CYB5D1: variants seen among roughly 807,000 people sequenced by gnomAD.
The protein encoded by CYB5D1 is cytochrome b5 domain-containing protein 1.
CYB5D1 carries 30 observed loss-of-function variants against 24.3 expected under a neutral mutation model. That is an observed-to-expected ratio of 1.23 (90% CI 0.92 to 1.67). CYB5D1 has a LOEUF of 1.67. Among genes scored for constraint, CYB5D1 ranks in the 40% most tolerant of loss-of-function variants. The pLI, the probability that CYB5D1 is intolerant of heterozygous loss-of-function variation, is 0.00. For missense variants in CYB5D1, 265 were observed against 296.7 expected, an observed-to-expected ratio of 0.89 and a Z score of 0.79; for synonymous variants, 128 against 123.2, an observed-to-expected ratio of 1.04 and a Z score of -0.26.
In CYB5D1 at chr17:7,858,911, A is replaced by G. The variant is rs1042831230; in HGVS notation, c.456+87A>G. ...CGATCTTCAGGGCAACATTTTTTCC[A>G]TAACCGGTGGGAGTGTATTTTCTGT... On this transcript the variant is annotated intron_variant, in intron 3 of 3. Coordinates refer to ENST00000332439, the MANE Select transcript of CYB5D1 (RefSeq NM_144607.6). 4.1e-5 allele frequency: 51 copies of G among 1,240,080 alleles called. No individual in the cohort carries two copies. In the South Asian group the frequency reaches 8.1e-4, roughly 20 times the overall value. The allele number at this position is 1,240,080 out of a possible 1,614,324, so 76.8% of individuals were successfully genotyped here.
chr17:7,858,699 G>A lies in CYB5D1; in HGVS notation c.331G>A (p.Asp111Asn), dbSNP rs751049726. 1.2e-5 allele frequency: 19 copies of A among 1,611,300 alleles called. No individual in the cohort carries two copies. The highest frequency in any genetic ancestry group is 2.2e-5 in the East Asian group (1 of 44,864). Residue 111 changes from aspartate (D) to asparagine (N), a missense_variant, in exon 3 of 4, where the codon GAC becomes AAC. Asp to Asn is a conservative substitution (Grantham distance 23). Coordinates refer to ENST00000332439, the MANE Select transcript of CYB5D1 (RefSeq NM_144607.6). Reference protein sequence around the residue: ...VHVPPQLPCSDWANDFGKPWW... With the variant: ...VHVPPQLPCSNWANDFGKPWW... ...CGTTCCGCCTCAGCTGCCCTGTTCG[G>A]ACTGGGCCAACGATTTTGGGAAGCC...
intron 3 of CYB5D1, 66 bp downstream of exon 3, chr17:7,858,890 C>A (rs2078859419): frequency 7.2e-7 from 1 of 1,385,578 alleles, no homozygotes. Context: ...CCAGGCCGAT[C>A]TTCAGGGCAA....
Position 7,859,280 on chromosome 17 carries a change from A to G in CYB5D1, c.457-102A>G. 4 of 883,070 alleles carry G rather than the reference A, an allele frequency of 4.5e-6. No individual in the cohort carries two copies. In the South Asian group the frequency reaches 6.2e-5, roughly 14 times the overall value. The allele number at this position is 883,070 out of a possible 1,614,324, so 54.7% of individuals were successfully genotyped here. ...CTTTTTTTTCCCGGGGCCGTAGAGT[A>G]CCTGAAGCTGCTATCTGCCAAGGGA... On this transcript the variant is annotated intron_variant, in intron 3 of 3. Transcript: ENST00000332439.
In CYB5D1 at chr17:7,859,539, A is replaced by G. The variant is rs200419944; in HGVS notation, c.614A>G (p.Tyr205Cys). The part of the protein sequence containing the change: ...GIRDEEEEFD[Y>C]LSMDGTLHTP... Reference sequence around the variant, plus strand: ...CGGGATGAGGAGGAAGAATTTGACTATCTCAGTATGGACGGTACACTTCAC... The same window carrying G: ...CGGGATGAGGAGGAAGAATTTGACTGTCTCAGTATGGACGGTACACTTCAC... Residue 205 changes from tyrosine (Y) to cysteine (C), a missense_variant, in exon 4 of 4, where the codon TAT becomes TGT. Transcript: ENST00000332439. 2.7e-5 allele frequency: 44 copies of G among 1,614,082 alleles called. No individual in the cohort carries two copies. Among genetic ancestry groups the G allele is most frequent in the East Asian group, 2.4e-4 (11 of 44,902 alleles).
In CYB5D1 at chr17:7,861,743, C is replaced by A. The variant is rs2078884645; in HGVS notation, c.*2131C>A. The A allele has an allele frequency of 6.6e-6, 1 of 152,268 alleles. No homozygotes were observed. Among genetic ancestry groups the A allele is most frequent in the Non-Finnish European group, 1.5e-5 (1 of 68,050 alleles). The allele number at this position is 152,268 out of a possible 1,614,324, so 9.4% of individuals were successfully genotyped here. On this transcript the variant is annotated 3_prime_UTR_variant, in exon 4 of 4. Transcript: ENST00000332439. Reference sequence around the variant, plus strand: ...CTAAACTGCTACGGAAACTTCCTAACCTGTTCTCCCATTTCCACTTCTGAC... The same window carrying A: ...CTAAACTGCTACGGAAACTTCCTAAACTGTTCTCCCATTTCCACTTCTGAC...
chr17:7,861,189 G>C lies in CYB5D1; in HGVS notation c.*1577G>C, dbSNP rs1378753568. ...GCAGCAGCAAGCAAAAAACAAATCA[G>C]GAAGAGTTTAGTGTGTCTTCTGGCA... On this transcript the variant is annotated 3_prime_UTR_variant, in exon 4 of 4. Coordinates refer to ENST00000332439, the MANE Select transcript of CYB5D1 (RefSeq NM_144607.6). The C allele has an allele frequency of 6.6e-6, 1 of 152,146 alleles. No individual in the cohort carries two copies. The highest frequency in any genetic ancestry group is 1.5e-5 in the Non-Finnish European group (1 of 68,046). The allele number at this position is 152,146 out of a possible 1,614,324, so 9.4% of individuals were successfully genotyped here.
chr17:7,859,855 G>C lies in CYB5D1; in HGVS notation c.*243G>C, dbSNP rs1346013667. On this transcript the variant is annotated 3_prime_UTR_variant, in exon 4 of 4. Coordinates refer to ENST00000332439, the MANE Select transcript of CYB5D1 (RefSeq NM_144607.6). ...CAAGAAGATCAAGTACCTTGGTTTA[G>C]GGAGATGTAGAAGAGGATAGTCAGA... is the stretch of plus-strand genomic sequence containing the variant. The C allele has an allele frequency of 7.8e-6, 4 of 513,468 alleles. No homozygotes were observed. Among genetic ancestry groups the C allele is most frequent in the Non-Finnish European group, 1.4e-5 (4 of 284,482 alleles). The allele number at this position is 513,468 out of a possible 1,614,324, so 31.8% of individuals were successfully genotyped here. A position where few individuals can be genotyped will look rare whatever the true frequency, so the allele number is the denominator to read the frequency against.
At position 7,861,229 on chromosome 17, in the gene CYB5D1, C is replaced by A. The variant is rs936459607; in HGVS notation, c.*1617C>A. 2 of 152,004 alleles carry A rather than the reference C, an allele frequency of 1.3e-5. No homozygotes were observed. Among genetic ancestry groups the A allele is most frequent in the South Asian group, 4.1e-4 (2 of 4,822 alleles). 9.4% of individuals were successfully genotyped at this position (152,004 alleles called of 1,614,324 possible). On this transcript the variant is annotated 3_prime_UTR_variant, in exon 4 of 4. Transcript: ENST00000332439. ...GTCTTCTGGCAGGGGACACCAGGGCCCAGCACAGGAGAAGGTGGCCCCTGT... is the reference window on the plus strand; with the variant it reads ...GTCTTCTGGCAGGGGACACCAGGGCACAGCACAGGAGAAGGTGGCCCCTGT...
Position 7,859,602 on chromosome 17 carries a change from C to A in CYB5D1, c.677C>A (p.Thr226Lys). Reference sequence around the variant, plus strand: ...CTTCTGTACTTCAATGATGATCTCACGGAGTTGTAGGCAAGGAGATGTACA... The same window carrying A: ...CTTCTGTACTTCAATGATGATCTCAAGGAGTTGTAGGCAAGGAGATGTACA... ...AILLYFNDDL[T>K]EL is the part of the protein sequence containing the mutation. Residue 226 changes from threonine to lysine, a missense_variant, in exon 4 of 4, where the codon ACG becomes AAG. Physicochemically the swap from Thr to Lys is moderately conservative, Grantham distance 78. Coordinates refer to ENST00000332439, the MANE Select transcript of CYB5D1 (RefSeq NM_144607.6). 1 of 1,613,946 alleles carries A rather than the reference C, an allele frequency of 6.2e-7. No homozygotes were observed. The highest frequency in any genetic ancestry group is 8.5e-7 in the Non-Finnish European group (1 of 1,179,914).
intron 3 of CYB5D1, chr17:7,859,083 G>A (rs2151386071): frequency 1.8e-6 from 1 of 568,288 alleles, no homozygotes; most frequent in South Asian, 2.3e-5. Context: ...GTGGTCCTTC[G>A]AAGCTCTTAC....
Position 7,858,042 on chromosome 17 carries a change from C to T in CYB5D1, c.-93C>T. The T allele has an allele frequency of 6.4e-7, 1 of 1,556,690 alleles. No homozygotes were observed. Among genetic ancestry groups the T allele is most frequent in the Non-Finnish European group, 8.7e-7 (1 of 1,154,268 alleles). ...CAGCGGATAAACGCTCTCCCCTCGG[C>T]TCCCGGACGCGACGGAGGTCGTAGT... is the stretch of plus-strand genomic sequence containing the variant. On this transcript the variant is annotated 5_prime_UTR_variant, in exon 1 of 4. Transcript: ENST00000332439.
rs376029819 is a variant in CYB5D1 at position 7,859,456 on chromosome 17, G to A, written c.531G>A (p.Thr177=). Residue 177 remains threonine, a synonymous_variant, in exon 4 of 4, where the codon ACG becomes ACA. Transcript: ENST00000332439. ...LPYNSHAASY[T]WKYEGKNLNM... is the part of the protein sequence containing the mutation. Reference sequence around the variant, plus strand: ...ATAACTCACATGCTGCCAGCTACACGTGGAAATATGAAGGGAAGAACCTGA... The same window carrying A: ...ATAACTCACATGCTGCCAGCTACACATGGAAATATGAAGGGAAGAACCTGA... 8.7e-6 allele frequency: 14 copies of A among 1,614,136 alleles called. No individual in the cohort carries two copies. The East Asian group carries it at 1.6e-4, about 18-fold the overall frequency.
Position 7,859,771 on chromosome 17 carries a change from C to T in CYB5D1, c.*159C>T. On this transcript the variant is annotated 3_prime_UTR_variant, in exon 4 of 4. Coordinates refer to ENST00000332439, the MANE Select transcript of CYB5D1 (RefSeq NM_144607.6). The stretch of plus-strand genomic sequence containing the variant: ...CCTTCTGAAGTGTAAAGGCCCTATT[C>T]CCTGCCTTCATTACAGTTTGCTCTG... 1.6e-6 allele frequency: 1 copy of T among 625,344 alleles called. No individual in the cohort carries two copies. The highest frequency in any genetic ancestry group is 1.8e-5 in the African/African-American group (1 of 54,594). 38.7% of individuals were successfully genotyped at this position (625,344 alleles called of 1,614,324 possible). A position where few individuals can be genotyped will look rare whatever the true frequency, so the allele number is the denominator to read the frequency against.
At position 7,858,081 on chromosome 17, in the gene CYB5D1, T is replaced by C. The variant is rs993734292; in HGVS notation, c.-54T>C. ...GGAGGTCGTAGTAGTAGTGAGTACG[T>C]GCTGAGGAGCAAAGGAGTAACCAAG... On this transcript the variant is annotated 5_prime_UTR_variant, in exon 1 of 4. Transcript: ENST00000332439. The C allele has an allele frequency of 1.2e-5, 20 of 1,606,006 alleles. No individual in the cohort carries two copies. In the African/African-American group the frequency reaches 2.5e-4, roughly 20 times the overall value.
At position 7,858,716 on chromosome 17, in the gene CYB5D1, T is replaced by G; in HGVS notation, c.348T>G (p.Phe116Leu). 2 of 1,609,714 alleles carry G rather than the reference T, an allele frequency of 1.2e-6. No homozygotes were observed. The highest frequency in any genetic ancestry group is 1.7e-6 in the Non-Finnish European group (2 of 1,177,672). The part of the protein sequence containing the change: ...QLPCSDWAND[F>L]GKPWWQGSYY... Reference sequence around the variant, plus strand: ...CCTGTTCGGACTGGGCCAACGATTTTGGGAAGCCCTGGTGGCAGGGGTCGT... The same window carrying G: ...CCTGTTCGGACTGGGCCAACGATTTGGGGAAGCCCTGGTGGCAGGGGTCGT... The change falls in exon 3 of 4, where the codon TTT (phenylalanine) becomes TTG (leucine). Residue 116 changes from phenylalanine (F) to leucine (L), a missense_variant. Transcript: ENST00000332439.
chr17:7,859,581 T>G lies in CYB5D1; in HGVS notation c.656T>G (p.Leu219Arg). ...DGTLHTPAIL[L>R]YFNDDLTEL ...ACACTTCACACACCTGCAATACTTCTGTACTTCAATGATGATCTCACGGAG... is the reference window on the plus strand; with the variant it reads ...ACACTTCACACACCTGCAATACTTCGGTACTTCAATGATGATCTCACGGAG... Residue 219 changes from leucine (L) to arginine (R), a missense_variant, in exon 4 of 4, where the codon CTG becomes CGG. By Grantham distance (102) the Leu-to-Arg change is moderately radical. Transcript: ENST00000332439. 1 of 1,614,150 alleles carries G rather than the reference T, an allele frequency of 6.2e-7. No individual in the cohort carries two copies. Among genetic ancestry groups the G allele is most frequent in the Non-Finnish European group, 8.5e-7 (1 of 1,180,014 alleles).
rs1407786352 is a variant in CYB5D1, at chr17:7,859,396, G to A, written c.471G>A (p.Glu157=). Residue 157 remains glutamate, a synonymous_variant, in exon 4 of 4, where the codon GAG becomes GAA. Coordinates refer to ENST00000332439, the MANE Select transcript of CYB5D1 (RefSeq NM_144607.6). ...GTGTTCTCCAGGTGGGGGTTCTGGA[G>A]TCCATATGGGAAATCCTACACCGCT... ...QEHTLEVGVL[E]SIWEILHRYL... is the part of the protein sequence containing the mutation. The A allele has an allele frequency of 6.2e-7, 1 of 1,614,042 alleles. No homozygotes were observed. Among genetic ancestry groups the A allele is most frequent in the African/African-American group, 1.3e-5 (1 of 75,004 alleles).
rs374430546 is a variant in CYB5D1 at position 7,858,035 on chromosome 17, C to G, written c.-100C>G. 6.5e-7 allele frequency: 1 copy of G among 1,549,722 alleles called. No homozygotes were observed. Among genetic ancestry groups the G allele is most frequent in the East Asian group, 2.3e-5 (1 of 44,354 alleles). On this transcript the variant is annotated 5_prime_UTR_variant, in exon 1 of 4. Coordinates refer to ENST00000332439, the MANE Select transcript of CYB5D1 (RefSeq NM_144607.6). ...TCCATGTCAGCGGATAAACGCTCTC[C>G]CCTCGGCTCCCGGACGCGACGGAGG... is the stretch of plus-strand genomic sequence containing the variant.
chr17:7,858,141 C>T lies in CYB5D1; in HGVS notation c.7C>T (p.Arg3Cys), dbSNP rs551997363. 2.5e-6 allele frequency: 4 copies of T among 1,613,480 alleles called. No individual in the cohort carries two copies. In the East Asian group the frequency reaches 8.9e-5, roughly 36 times the overall value. ...GACCGACAGAGCAAGAGCCATGCCGCGCCGGGGCCTGGTGGCTGGGCCAGA... is the reference window on the plus strand; with the variant it reads ...GACCGACAGAGCAAGAGCCATGCCGTGCCGGGGCCTGGTGGCTGGGCCAGA... MP[R>C]RGLVAGPDLE... The change falls in exon 1 of 4, where the codon CGC (arginine) becomes TGC (cysteine). Residue 3 changes from arginine (R) to cysteine (C), a missense_variant. Physicochemically the swap from Arg to Cys is radical, Grantham distance 180. Coordinates refer to ENST00000332439, the MANE Select transcript of CYB5D1 (RefSeq NM_144607.6).
Sources: allele counts gnomAD v4.1 joint callset, GRCh38; gene constraint gnomAD v4.1.1; transcripts MANE v1.5; gene names NCBI Gene and HGNC (gene_info 2026-07-23, HGNC 2026-07-21).